The following USP10 variants were observed in gnomAD, a reference collection of about 807,000 sequenced individuals.
USP10 encodes ubiquitin specific peptidase 10.
USP10 carries 22 observed loss-of-function variants against 84.5 expected under a neutral mutation model. The ratio of observed to expected loss-of-function variants is 0.26; its 90% confidence interval spans 0.19 to 0.37. The LOEUF is 0.37. USP10 is among the 10% of genes least tolerant of loss of function. The pLI is 1.00. For synonymous variants in USP10, 454 were observed against 387.6 expected (o/e 1.17, Z -2.01); for missense variants, 1,019 against 998.9 (o/e 1.02, Z -0.27).
chr16:84,706,452 C>A (rs561527947), intron 1 of USP10, among the ~76,000 whole-genome samples: 16 of 150,026 alleles, frequency 1.1e-4, no homozygotes, highest in African/African-American at 3.6e-4. Context: ...ATTTCCCTTA[C>A]GTGGCTGCAA....
intron 1 of USP10, among the ~76,000 whole-genome samples, chr16:84,715,215 G>A (rs761873538): frequency 4.0e-5 from 6 of 151,700 alleles, no homozygotes; most frequent in Admixed American, 1.3e-4. Context: ...CAGGCGTGAG[G>A]CACCACTCCC....
intron 13 of USP10, among the ~76,000 whole-genome samples, chr16:84,777,659 C>G (rs11644667): frequency 0.36 from 54,753 of 152,084 alleles, 10,456 homozygotes; most frequent in East Asian, 0.64. Context: ...GACTGGTGGC[C>G]TCAGTCATAA....
intron 2 of USP10, among the ~76,000 whole-genome samples, chr16:84,739,872 T>G (rs2150813675): frequency 6.6e-6 from 1 of 152,330 alleles, no homozygotes; most frequent in South Asian, 2.1e-4. Context: ...GGTCCCAGCC[T>G]CTACTGGCTG....
At chr16:84,732,533 G>C (rs763577101) in intron 1 of USP10, 2 of 373,814 alleles carry the variant, frequency 5.4e-6, no homozygotes, top group Admixed American at 6.9e-5. Flanking sequence ...TGCAACCTCG[G>C]CCTCCCTGGT....
At position 84,773,642 on chromosome 16, in the gene USP10, C is replaced by T. The variant is rs571563803; in HGVS notation, c.2143+957C>T. Among the ~76,000 whole-genome samples the T allele has an allele frequency of 2.6e-5, 4 of 152,350 alleles. No homozygotes were observed. The East Asian group carries it at 7.7e-4, about 29-fold the overall frequency. ...GGTTTAGTGTCCGTTGCTCCTCTCA[C>T]ACTTCTAGCTGCCTTATCACTCATC... On this transcript the variant is annotated intron_variant, in intron 12 of 13. Transcript: ENST00000219473.
chr16:84,716,813 G>C (rs1473390321), intron 1 of USP10, among the ~76,000 whole-genome samples: 1 of 152,146 alleles, frequency 6.6e-6, no homozygotes, highest in Non-Finnish European at 1.5e-5. Flanking sequence ...AATTACATGG[G>C]GAGTGACCGC....
chr16:84,700,112 G>T lies in USP10; in HGVS notation c.21+1G>T. The T allele has an allele frequency of 7.4e-7, 1 of 1,351,186 alleles. No homozygotes were observed. The highest frequency in any genetic ancestry group is 9.7e-7 in the Non-Finnish European group (1 of 1,030,428). 83.7% of individuals were successfully genotyped at this position (1,351,186 alleles called of 1,614,324 possible). On this transcript the variant is annotated splice_donor_variant, in intron 1 of 13. Coordinates refer to ENST00000219473, the MANE Select transcript of USP10 (RefSeq NM_005153.3). LOFTEE classifies it high-confidence loss of function. ...AGCCATGGCCCTCCACAGCCCGCAG[G>T]TAGCCGCCGGTCTGCGCCTTCGGCC... is the stretch of plus-strand genomic sequence containing the variant.
chr16:84,749,009 A>G (rs1409295912), intron 4 of USP10, among the ~76,000 whole-genome samples: 1 of 152,228 alleles, frequency 6.6e-6, no homozygotes, highest in Non-Finnish European at 1.5e-5. Context: ...TTAAAAATAT[A>G]TAATTCTTTT....
chr16:84,725,002 T>C (rs1240472399), intron 1 of USP10, among the ~76,000 whole-genome samples: 3 of 152,244 alleles, frequency 2.0e-5, no homozygotes, highest in Non-Finnish European at 4.4e-5. Flanking sequence ...TATTTTGATA[T>C]AAGTACTGAC....
At chr16:84,738,998 C>T (rs1479854515) in intron 2 of USP10, among the ~76,000 whole-genome samples, 1 of 151,940 alleles carries the variant, frequency 6.6e-6, no homozygotes, top group East Asian at 1.9e-4. Context: ...TCTTTTTGTT[C>T]TTTTGTTCTG....
rs757817781 is a variant in USP10 at position 84,745,362 on chromosome 16, G to A, written c.881G>A (p.Gly294Asp). Residue 294 changes from glycine to aspartate, a missense_variant, in exon 4 of 14, where the codon GGT becomes GAT. Physicochemically the swap from Gly to Asp is moderately conservative, Grantham distance 94. This residue lies in a region of USP10 where 787 missense variants were observed against 708.8 expected (regional missense o/e 1.11). Transcript: ENST00000219473. ...AATGGACAAATACTTGAATCCTCGG[G>A]TGAGGGCACAGCTACCAACGGGGTG... ...VANGQILESS[G>D]EGTATNGVEL... is the part of the protein sequence containing the mutation. 3.7e-6 allele frequency: 6 copies of A among 1,613,252 alleles called. No homozygotes were observed. The East Asian group carries it at 1.1e-4, about 30-fold the overall frequency.
At chr16:84,734,968 C>T (rs1294247785) in intron 2 of USP10, among the ~76,000 whole-genome samples, 1 of 151,724 alleles carries the variant, frequency 6.6e-6, no homozygotes, top group Non-Finnish European at 1.5e-5. Flanking sequence ...ATTCTGTGGG[C>T]CTATTGCTTA....
chr16:84,715,980 A>G (rs1906962515), intron 1 of USP10, among the ~76,000 whole-genome samples: 1 of 152,176 alleles, frequency 6.6e-6, no homozygotes, highest in Admixed American at 6.5e-5. Context: ...AATTTTAGGC[A>G]GTGTCCTGAG....
At chr16:84,778,118 T>TG (rs1491384504) in intron 13 of USP10, among the ~76,000 whole-genome samples, 2 of 151,674 alleles carry the variant, frequency 1.3e-5, no homozygotes, top group Non-Finnish European at 1.5e-5. Flanking sequence ...TGTGTGTGTG[T>TG]TTTGTTCTGT....
chr16:84,764,462 T>A (rs1205939498), intron 10 of USP10, among the ~76,000 whole-genome samples, 199 bp downstream of exon 10: 1 of 152,202 alleles, frequency 6.6e-6, no homozygotes, highest in Non-Finnish European at 1.5e-5. Context: ...TGCTGGCGCA[T>A]GTCTGCAGGG....
chr16:84,759,966 G>C lies in USP10; in HGVS notation c.1450+20G>C. On this transcript the variant is annotated intron_variant, in intron 7 of 13. Transcript: ENST00000219473. The stretch of plus-strand genomic sequence containing the variant: ...GACAAGGTTAGTAAAAATGAGTTTT[G>C]TTGATGCTATTACATATTGGGAGTT... The C allele has an allele frequency of 1.2e-6, 2 of 1,613,150 alleles. No individual in the cohort carries two copies. Among genetic ancestry groups the C allele is most frequent in the East Asian group, 4.5e-5 (2 of 44,882 alleles).
chr16:84,758,858 C>T, intron 5 of USP10, 51 bp downstream of exon 5: 4 of 1,342,514 alleles, frequency 3.0e-6, no homozygotes, highest in Non-Finnish European at 4.3e-6. Flanking sequence ...AGCTGTCCCT[C>T]CTTTGGGTGC....
chr16:84,736,377 G>C (rs563173011), intron 2 of USP10, among the ~76,000 whole-genome samples: 2 of 152,364 alleles, frequency 1.3e-5, no homozygotes, highest in African/African-American at 4.8e-5. Flanking sequence ...CCAGCGGAGG[G>C]CTGCTTTGTC....
At chr16:84,704,377 C>T (rs1045970073) in intron 1 of USP10, among the ~76,000 whole-genome samples, 1 of 152,228 alleles carries the variant, frequency 6.6e-6, no homozygotes, top group Non-Finnish European at 1.5e-5. Context: ...CAAGAATCAC[C>T]ATCGCACAAA....
Sources: gnomAD v4.1 joint callset for allele counts (sites outside exome capture counted in the v4.1 genomes callset) on GRCh38, gnomAD v4.1.1 for gene constraint, gnomAD v4.1.1 regional missense constraint, MANE v1.5 for transcripts, NCBI Gene and HGNC (gene_info 2026-07-23, HGNC 2026-07-21) for gene names.